LRIG2: variants seen among roughly 807,000 people sequenced by gnomAD.
LRIG2 encodes leucine rich repeats and immunoglobulin like domains 2, also known as leucine-rich repeats and immunoglobulin-like domains protein 2.
Under a neutral mutation model 107.8 loss-of-function variants are expected in LRIG2, and 93 were observed. The observed-to-expected ratio is 0.86, with a 90% CI of 0.73 to 1.03. The LOEUF is 1.03. LRIG2 is among the 50% of genes least tolerant of loss of function. The probability of loss-of-function intolerance (pLI) is 0.00; values close to 1 mark genes in which losing one functional copy is unlikely to be tolerated. For synonymous variants in LRIG2, 471 were observed against 470.6 expected (o/e 1.00, Z -0.01); for missense variants, 1,226 against 1,296.0 (o/e 0.95, Z 0.83).
intron 2 of LRIG2, among the ~76,000 whole-genome samples, chr1:113,091,749 A>G (rs1490614741): frequency 2.6e-5 from 4 of 152,230 alleles, no homozygotes. Context: ...TGGGAGCATC[A>G]TGTCTAAAGT....
chr1:113,077,530 A>G (rs1423913086), intron 1 of LRIG2, among the ~76,000 whole-genome samples: 1 of 152,162 alleles, frequency 6.6e-6, no homozygotes, highest in Non-Finnish European at 1.5e-5. Context: ...TTAGTTACCT[A>G]TAGTTTTTTA....
At chr1:113,117,635 C>T (rs1482502901) in intron 16 of LRIG2, among the ~76,000 whole-genome samples, 1 of 151,956 alleles carries the variant, frequency 6.6e-6, no homozygotes, top group African/African-American at 2.4e-5. Context: ...AGGTGCGTGC[C>T]ACCATACCCG....
intron 2 of LRIG2, among the ~76,000 whole-genome samples, chr1:113,092,128 G>T (rs999118032): frequency 2.0e-5 from 3 of 152,180 alleles, no homozygotes; most frequent in Non-Finnish European, 4.4e-5. Context: ...TGACAAGTTT[G>T]TTAGCTGAAA....
intron 6 of LRIG2, 106 bp downstream of exon 6, chr1:113,094,861 C>A: frequency 9.4e-7 from 1 of 1,061,112 alleles, no homozygotes; most frequent in Non-Finnish European, 1.3e-6. Flanking sequence ...TACATTCATT[C>A]ATTCCCTGGT....
intron 1 of LRIG2, among the ~76,000 whole-genome samples, chr1:113,083,002 T>C (rs1472220029): frequency 1.3e-5 from 2 of 151,730 alleles, no homozygotes; most frequent in Non-Finnish European, 2.9e-5. Context: ...TCAACCTCCC[T>C]GGGCTTTGAG....
chr1:113,085,353 T>TG, intron 1 of LRIG2, among the ~76,000 whole-genome samples: 1 of 152,280 alleles, frequency 6.6e-6, no homozygotes, highest in East Asian at 1.9e-4. Context: ...GTGGGATCTC[T>TG]GCTCACCGCA....
Position 113,107,728 on chromosome 1 carries a change from T to C in LRIG2, c.1448T>C (p.Leu483Pro), listed in dbSNP as rs771010929. The change falls in exon 12 of 18, where the codon CTG becomes CCG. Residue 483 changes from leucine to proline, a missense_variant. Around this residue, in one of 3 missense-constraint regions of LRIG2, gnomAD observed 14 missense variants for 33.6 expected, o/e 0.42. Transcript: ENST00000361127. The stretch of plus-strand genomic sequence containing the variant: ...GAATGGCTAGCAGGGCAAAGCATCC[T>C]GAATGTGGATCTGAAAGATTTTGTC... ...HPEWLAGQSI[L>P]NVDLKDFVCD... 1.9e-6 allele frequency: 3 copies of C among 1,613,506 alleles called. No individual in the cohort carries two copies. The highest frequency in any genetic ancestry group is 1.3e-5 in the African/African-American group (1 of 75,038).
In LRIG2 at chr1:113,114,870, A is replaced by G. The variant is rs143596577; in HGVS notation, c.2524A>G (p.Asn842Asp). Residue 842 changes from asparagine to aspartate, a missense_variant, in exon 15 of 18, where the codon AAC becomes GAC. Coordinates refer to ENST00000361127, the MANE Select transcript of LRIG2 (RefSeq NM_014813.3). ...RRKNEDYSITNTEELNLPADI... is the reference protein window; with the variant it reads ...RRKNEDYSITDTEELNLPADI... ...GAAAAATGAAGACTATAGTATCACA[A>G]ACACAGGTAAGTAGTACCCACATGA... The G allele has an allele frequency of 1.2e-6, 2 of 1,604,838 alleles. No homozygotes were observed. The highest frequency in any genetic ancestry group is 2.7e-5 in the African/African-American group (2 of 74,854).
In LRIG2 at chr1:113,124,088, G is replaced by A; in HGVS notation, c.3185G>A (p.Ser1062Asn). ...AGGACTCGGAACATTCAAGATGGTA[G>A]TGAGGGCACATGAAACTCACTTCAG... ...FSRTRNIQDG[S>N]EGT The change falls in exon 18 of 18, where the codon AGT (serine) becomes AAT (asparagine). Residue 1062 changes from serine to asparagine, a missense_variant. Physicochemically the swap from Ser to Asn is conservative, Grantham distance 46. Transcript: ENST00000361127. 1 of 1,614,124 alleles carries A rather than the reference G, an allele frequency of 6.2e-7. No individual in the cohort carries two copies. The highest frequency in any genetic ancestry group is 1.7e-5 in the Admixed American group (1 of 60,026).
Position 113,110,239 on chromosome 1 carries a change from T to G in LRIG2, c.1478-3T>G. On this transcript the variant is annotated splice_polypyrimidine_tract_variant and splice_region_variant and intron_variant, in intron 12 of 17. Coordinates refer to ENST00000361127, the MANE Select transcript of LRIG2 (RefSeq NM_014813.3). ...GGCTACGGATGCATTTTTTTCCCCT[T>G]AGATGATTTTCTCAAGCCACAGATA... The G allele has an allele frequency of 1.3e-5, 20 of 1,573,672 alleles. No individual in the cohort carries two copies. The highest frequency in any genetic ancestry group is 1.7e-5 in the Non-Finnish European group (20 of 1,157,548).
chr1:113,084,502 A>G (rs898498886), intron 1 of LRIG2, among the ~76,000 whole-genome samples: 1 of 152,118 alleles, frequency 6.6e-6, no homozygotes, highest in African/African-American at 2.4e-5. Flanking sequence ...GGCATGAGCC[A>G]CCGCGCCCGG....
rs376908673 is a variant in LRIG2 at position 113,078,798 on chromosome 1, G to C, written c.239+5153G>C. On this transcript the variant is annotated intron_variant, in intron 1 of 17. Coordinates refer to ENST00000361127, the MANE Select transcript of LRIG2 (RefSeq NM_014813.3). ...TGGGATTACAGGCATGCACCACCACGCCCAGCTAATTTTGTATTTTTAGTA... is the reference window on the plus strand; with the variant it reads ...TGGGATTACAGGCATGCACCACCACCCCCAGCTAATTTTGTATTTTTAGTA... Among the ~76,000 whole-genome samples the C allele has an allele frequency of 5.9e-5, 9 of 151,570 alleles. No homozygotes were observed. In the South Asian group the frequency reaches 1.9e-3, roughly 32 times the overall value.
rs140370329 is a variant in LRIG2, at chr1:113,114,520, C to G, written c.2174C>G (p.Pro725Arg). The G allele has an allele frequency of 8.1e-6, 13 of 1,614,034 alleles. No homozygotes were observed. The highest frequency in any genetic ancestry group is 3.3e-5 in the Admixed American group (2 of 59,988). Residue 725 changes from proline to arginine, a missense_variant, in exon 15 of 18, where the codon CCT becomes CGT. This residue lies in a region of LRIG2 where 642 missense variants were observed against 712.2 expected (regional missense o/e 0.90). Coordinates refer to ENST00000361127, the MANE Select transcript of LRIG2 (RefSeq NM_014813.3). ...TGCATAGCTGGAGGGAGTCCTGCCC[C>G]TCGTCTCAACTGGACTAAAGATGAT... is the stretch of plus-strand genomic sequence containing the variant. ...LQCIAGGSPA[P>R]RLNWTKDDGP...
chr1:113,081,833 T>G (rs1047446236), intron 1 of LRIG2, among the ~76,000 whole-genome samples: 1 of 152,246 alleles, frequency 6.6e-6, no homozygotes, highest in African/African-American at 2.4e-5. Context: ...AGCCACCCAT[T>G]TCTAAAGTTG....
chr1:113,120,568 T>C (rs1232758383), intron 17 of LRIG2, among the ~76,000 whole-genome samples: 1 of 149,028 alleles, frequency 6.7e-6, no homozygotes, highest in East Asian at 2.0e-4. Flanking sequence ...TGGAGTGCAA[T>C]GATGCCATCT....
At chr1:113,085,934 A>G (rs560752888) in intron 1 of LRIG2, among the ~76,000 whole-genome samples, 1 of 152,032 alleles carries the variant, frequency 6.6e-6, no homozygotes, top group Admixed American at 6.6e-5. Flanking sequence ...GTTTACGCCA[A>G]GAATATTCAA....
In LRIG2 at chr1:113,112,868, G is replaced by A. The variant is rs1353520728; in HGVS notation, c.2080+108G>A. ...TTTGAGATTACCTCTGTGATTCTTA[G>A]ATCTTTATCTTATTTCACAATTTTA... On this transcript the variant is annotated intron_variant, in intron 14 of 17. Coordinates refer to ENST00000361127, the MANE Select transcript of LRIG2 (RefSeq NM_014813.3). The A allele has an allele frequency of 2.3e-5, 24 of 1,063,356 alleles. No individual in the cohort carries two copies. In the East Asian group the frequency reaches 4.9e-4, roughly 22 times the overall value. The allele number at this position is 1,063,356 out of a possible 1,614,324, so 65.9% of individuals were successfully genotyped here.
rs1043473922 is a variant in LRIG2 at position 113,124,213 on chromosome 1, G to T, written c.*112G>T. Reference sequence around the variant, plus strand: ...AGCATTTGCTTTACTCTTTCTTTATGATTGCATCTGACCGCACCAAGGTGG... The same window carrying T: ...AGCATTTGCTTTACTCTTTCTTTATTATTGCATCTGACCGCACCAAGGTGG... On this transcript the variant is annotated 3_prime_UTR_variant, in exon 18 of 18. Coordinates refer to ENST00000361127, the MANE Select transcript of LRIG2 (RefSeq NM_014813.3). The T allele has an allele frequency of 9.8e-6, 9 of 915,378 alleles. No homozygotes were observed. The African/African-American group carries it at 1.5e-4, about 15-fold the overall frequency. 56.7% of individuals were successfully genotyped at this position (915,378 alleles called of 1,614,324 possible).
intron 11 of LRIG2, among the ~76,000 whole-genome samples, chr1:113,104,662 C>T (rs937574028): frequency 6.6e-6 from 1 of 151,952 alleles, no homozygotes; most frequent in Non-Finnish European, 1.5e-5. Context: ...TTACAGGCAC[C>T]CACCACCACA....
Sources: gnomAD v4.1 joint callset for allele counts (sites outside exome capture counted in the v4.1 genomes callset) on GRCh38, gnomAD v4.1.1 for gene constraint, gnomAD v4.1.1 regional missense constraint, MANE v1.5 for transcripts, NCBI Gene and HGNC (gene_info 2026-07-23, HGNC 2026-07-21) for gene names.